MYOZ2: variants seen among roughly 807,000 people sequenced by gnomAD.
MYOZ2 encodes myozenin-2.
A neutral mutation model predicts 25.4 loss-of-function variants in MYOZ2; 19 were observed. That is an observed-to-expected ratio of 0.75 (90% CI 0.52 to 1.10). The LOEUF is 1.10. MYOZ2 is among the 50% of genes least tolerant of loss of function. The pLI is 0.00. For missense variants in MYOZ2, 270 were observed against 317.9 expected (o/e 0.85, Z 1.15); for synonymous variants, 92 against 106.9 (o/e 0.86, Z 0.86).
intron 2 of MYOZ2, among the ~76,000 whole-genome samples, chr4:119,142,179 A>G (rs943410683): frequency 6.6e-5 from 10 of 152,134 alleles, no homozygotes; most frequent in Admixed American, 5.2e-4. Flanking sequence ...TGCTTCCACC[A>G]TGGCCAAATT....
chr4:119,176,723 A>T lies in MYOZ2; in HGVS notation c.561-9243A>T, dbSNP rs190391119. 2.5e-3 allele frequency among the ~76,000 whole-genome samples: 383 copies of T among 152,324 alleles called. 4 individuals are homozygous for T. The highest frequency in any genetic ancestry group is 6.6e-4 in the Non-Finnish European group (45 of 68,028). ...ATTAATTTGAAAAAGAACTTTAAGA[A>T]CTTACATTATCATTCAGGTACCTTG... is the stretch of plus-strand genomic sequence containing the variant. On this transcript the variant is annotated intron_variant, in intron 5 of 5. Coordinates refer to ENST00000307128, the MANE Select transcript of MYOZ2 (RefSeq NM_016599.5).
At chr4:119,184,437 T>A (rs977794731) in intron 5 of MYOZ2, among the ~76,000 whole-genome samples, 3 of 152,250 alleles carry the variant, frequency 2.0e-5, no homozygotes, top group Admixed American at 6.5e-5. Context: ...ATACTGTACA[T>A]GTCTAACTTC....
intron 2 of MYOZ2, among the ~76,000 whole-genome samples, chr4:119,139,000 C>A (rs1367815825): frequency 6.6e-6 from 1 of 152,086 alleles, no homozygotes; most frequent in African/African-American, 2.4e-5. Flanking sequence ...TTAAAAAATT[C>A]TCTTCATATA....
intron 5 of MYOZ2, among the ~76,000 whole-genome samples, chr4:119,173,978 C>A (rs538613257): frequency 5.5e-4 from 84 of 152,368 alleles, no homozygotes; most frequent in Non-Finnish European, 1.1e-3. Flanking sequence ...TGCCAGCCCA[C>A]CGGCGCTGCA....
intron 2 of MYOZ2, among the ~76,000 whole-genome samples, chr4:119,149,109 T>C (rs985972824): frequency 4.3e-5 from 4 of 93,324 alleles, no homozygotes; most frequent in Non-Finnish European, 1.2e-4. Context: ...GCCAACTCAT[T>C]ACTGCAGGTG....
chr4:119,167,858 CT>C (rs776885366), intron 5 of MYOZ2, among the ~76,000 whole-genome samples: 32 of 152,328 alleles, frequency 2.1e-4, no homozygotes, highest in Non-Finnish European at 4.0e-4. Context: ...TATTTTAAGC[CT>C]ACTCTTGAGA....
Position 119,135,847 on chromosome 4 carries a change from T to A in MYOZ2, c.-150T>A, listed in dbSNP as rs1329277105. The A allele has an allele frequency of 1.3e-5, 2 of 153,518 alleles. No individual in the cohort carries two copies. The highest frequency in any genetic ancestry group is 2.9e-5 in the Non-Finnish European group (2 of 69,102). The allele number at this position is 153,518 out of a possible 1,614,324, so 9.5% of individuals were successfully genotyped here. ...AGAAAAGCTCAGTCCCCAGTTTGAG[T>A]CAGAGTAGGGACCATGCTGTCCCAG... On this transcript the variant is annotated 5_prime_UTR_variant, in exon 1 of 6. Transcript: ENST00000307128.
At chr4:119,171,130 C>T (rs1036938309) in intron 5 of MYOZ2, among the ~76,000 whole-genome samples, 2 of 151,684 alleles carry the variant, frequency 1.3e-5, no homozygotes, top group East Asian at 3.9e-4. Context: ...GTTTGTTTAC[C>T]CCTGCCAAAC....
chr4:119,184,004 T>C (rs889509622), intron 5 of MYOZ2, among the ~76,000 whole-genome samples: 2 of 151,878 alleles, frequency 1.3e-5, no homozygotes, highest in Non-Finnish European at 2.9e-5. Flanking sequence ...TTAGTAGAGA[T>C]GGGTTTCTCC....
At chr4:119,162,927 C>T (rs1465695377) in intron 4 of MYOZ2, among the ~76,000 whole-genome samples, 1 of 151,944 alleles carries the variant, frequency 6.6e-6, no homozygotes, top group Admixed American at 6.6e-5. Flanking sequence ...ATAAAGGGTG[C>T]CAGTGGATCA....
chr4:119,144,599 AC>A (rs1448747390), intron 2 of MYOZ2, among the ~76,000 whole-genome samples: 3 of 152,174 alleles, frequency 2.0e-5, no homozygotes, highest in African/African-American at 7.2e-5. Flanking sequence ...CCACATCCTC[AC>A]CAGCAAATGG....
intron 5 of MYOZ2, among the ~76,000 whole-genome samples, chr4:119,177,073 A>G (rs889313244): frequency 2.0e-5 from 3 of 152,134 alleles, no homozygotes; most frequent in Non-Finnish European, 4.4e-5. Flanking sequence ...AAAAAAACAA[A>G]GTTTATTCTT....
intron 2 of MYOZ2, among the ~76,000 whole-genome samples, chr4:119,140,369 A>C (rs1741136890): frequency 6.6e-6 from 1 of 152,224 alleles, no homozygotes; most frequent in South Asian, 2.1e-4. Flanking sequence ...AAGGCCTTTC[A>C]TACCTCCTAT....
intron 3 of MYOZ2, among the ~76,000 whole-genome samples, chr4:119,155,114 G>A (rs1741544870): frequency 6.6e-6 from 1 of 152,076 alleles, no homozygotes; most frequent in Non-Finnish European, 1.5e-5. Context: ...AGAGAGGAGG[G>A]AGGAGGTGCC....
chr4:119,145,245 A>G (rs377247755), intron 2 of MYOZ2, among the ~76,000 whole-genome samples: 1 of 151,884 alleles, frequency 6.6e-6, no homozygotes, highest in African/African-American at 2.4e-5. Flanking sequence ...ATATTGCTTA[A>G]TTATATTTGC....
chr4:119,158,192 G>A (rs372238052), intron 4 of MYOZ2, 41 bp downstream of exon 4: 10 of 1,605,566 alleles, frequency 6.2e-6, no homozygotes, highest in Non-Finnish European at 7.7e-6. Flanking sequence ...AAATTTCTGT[G>A]TACCTAATGA....
chr4:119,157,845 T>C (rs1321983170), intron 3 of MYOZ2, among the ~76,000 whole-genome samples, 177 bp from the exon 4 acceptor site: 1 of 152,196 alleles, frequency 6.6e-6, no homozygotes, highest in East Asian at 1.9e-4. Context: ...TCAGTAAATC[T>C]TCTCATTCAA....
chr4:119,146,082 T>C (rs1741284187), intron 2 of MYOZ2, among the ~76,000 whole-genome samples: 1 of 152,170 alleles, frequency 6.6e-6, no homozygotes, highest in East Asian at 1.9e-4. Context: ...TCTCTGATTT[T>C]GTTCCTAATA....
At chr4:119,157,450 A>C (rs1372683515) in intron 3 of MYOZ2, among the ~76,000 whole-genome samples, 1 of 152,194 alleles carries the variant, frequency 6.6e-6, no homozygotes, top group African/African-American at 2.4e-5. Flanking sequence ...TATTTTCTAA[A>C]AATCAAAAAT....
Sources: allele counts gnomAD v4.1 joint callset (sites outside exome capture counted in the v4.1 genomes callset), GRCh38; gene constraint gnomAD v4.1.1; transcripts MANE v1.5; gene names NCBI Gene and HGNC (gene_info 2026-07-23, HGNC 2026-07-21).